Variants in RASEF observed in about 807,000 individuals in gnomAD.
RASEF encodes the protein ras and EF-hand domain-containing protein.
Under a neutral mutation model 90.1 loss-of-function variants are expected in RASEF, and 68 were observed. The observed-to-expected ratio is 0.75, with a 90% CI of 0.62 to 0.92. The LOEUF (loss-of-function observed/expected upper bound fraction) is 0.92, where lower values mean the gene tolerates loss of function less well. Ranked by LOEUF, RASEF falls within the 40% of genes least tolerant of loss-of-function variation. The pLI is 0.00. For synonymous variants in RASEF, 331 were observed against 345.2 expected (o/e 0.96, Z 0.46); for missense variants, 949 against 937.2 (o/e 1.01, Z -0.16).
chr9:83,000,289 A>G lies in RASEF; in HGVS notation c.1603T>C (p.Ser535Pro), dbSNP rs1003636480. The G allele has an allele frequency of 1.2e-6, 2 of 1,614,030 alleles. No homozygotes were observed. Among genetic ancestry groups the G allele is most frequent in the East Asian group, 2.2e-5 (1 of 44,876 alleles). Residue 535 changes from serine (S) to proline (P), a missense_variant, in exon 12 of 17, where the codon TCT (serine) becomes CCT (proline). Around this residue, in one of 3 missense-constraint regions of RASEF, gnomAD observed 288 missense variants for 328.4 expected, o/e 0.88. Transcript: ENST00000376447. ...TTGTAAGCCTTCTGTGAGCTAAAAG[A>G]TTTAGCGTTGTCATCTACCAGGTCT... ...QTDLVDDNAKSFSSQKAYKIV... is the reference protein window; with the variant it reads ...QTDLVDDNAKPFSSQKAYKIV...
At chr9:83,033,131 C>A (rs966821600) in intron 1 of RASEF, among the ~76,000 whole-genome samples, 3 of 152,152 alleles carry the variant, frequency 2.0e-5, no homozygotes, top group Non-Finnish European at 4.4e-5. Flanking sequence ...AACGAAAGCA[C>A]ACAGTAATAA....
At chr9:83,075,133 T>G in the RASEF span, among the ~76,000 whole-genome samples, 2 of 152,164 alleles carry the variant, frequency 1.3e-5, no homozygotes, top group Non-Finnish European at 2.9e-5. Flanking sequence ...GTAGGCCTCT[T>G]TTTAGATGGC....
chr9:83,094,285 C>A, the RASEF span, among the ~76,000 whole-genome samples: 1 of 150,792 alleles, frequency 6.6e-6, no homozygotes, highest in South Asian at 2.1e-4. Context: ...TATGAAATAC[C>A]CACAACATTG....
chr9:82,988,964 G>A (rs1002655816), intron 16 of RASEF, among the ~76,000 whole-genome samples: 3 of 152,156 alleles, frequency 2.0e-5, no homozygotes, highest in Admixed American at 6.6e-5. Flanking sequence ...AGTGTTGTAG[G>A]GGGAGGTGAC....
intron 1 of RASEF, 122 bp downstream of exon 1, chr9:83,062,315 G>A (rs1830218531): frequency 2.2e-6 from 2 of 923,322 alleles, no homozygotes; most frequent in Non-Finnish European, 3.3e-6. Flanking sequence ...GGTGAAGGAA[G>A]ACAAGCAACT....
chr9:83,160,672 T>C, the RASEF span, among the ~76,000 whole-genome samples: 1 of 152,186 alleles, frequency 6.6e-6, no homozygotes, highest in Non-Finnish European at 1.5e-5. Flanking sequence ...GAGCCAAATG[T>C]TAGTCCCCAA....
intron 4 of RASEF, among the ~76,000 whole-genome samples, chr9:83,013,840 G>A (rs561644016): frequency 9.2e-5 from 14 of 152,306 alleles, no homozygotes; most frequent in African/African-American, 2.9e-4. Flanking sequence ...TAAAATGTCA[G>A]TCATTATGGT....
At chr9:83,132,536 G>C in the RASEF span, among the ~76,000 whole-genome samples, 1 of 152,084 alleles carries the variant, frequency 6.6e-6, no homozygotes, top group African/African-American at 2.4e-5. Flanking sequence ...CTAAGTTTTA[G>C]GGCAATTAGT....
chr9:83,208,399 C>T, the RASEF span, among the ~76,000 whole-genome samples: 2 of 152,208 alleles, frequency 1.3e-5, no homozygotes, highest in African/African-American at 4.8e-5. Flanking sequence ...CCAGGTTCCT[C>T]TAAAAGTTCC....
chr9:83,041,367 A>AC (rs970550235), intron 1 of RASEF, among the ~76,000 whole-genome samples: 1 of 152,174 alleles, frequency 6.6e-6, no homozygotes, highest in African/African-American at 2.4e-5. Context: ...ATTTTTACCT[A>AC]CCTACCTTGC....
the RASEF span, among the ~76,000 whole-genome samples, chr9:83,196,345 G>C: frequency 6.6e-6 from 1 of 152,026 alleles, no homozygotes; most frequent in Non-Finnish European, 1.5e-5. Flanking sequence ...GGGAGCTGTG[G>C]GCTGTCATGT....
intron 1 of RASEF, among the ~76,000 whole-genome samples, chr9:83,049,843 C>T (rs1830010387): frequency 2.3e-5 from 2 of 86,456 alleles, no homozygotes; most frequent in Non-Finnish European, 4.3e-5. Context: ...TTTCCAATTT[C>T]ATCCATGTCC....
At chr9:82,986,384 G>A (rs1828712330) in intron 16 of RASEF, among the ~76,000 whole-genome samples, 1 of 152,108 alleles carries the variant, frequency 6.6e-6, no homozygotes, top group Non-Finnish European at 1.5e-5. Context: ...GTTCTTTTCT[G>A]TAATGTTAAA....
the RASEF span, among the ~76,000 whole-genome samples, chr9:83,140,286 A>G: frequency 2.6e-5 from 4 of 152,216 alleles, no homozygotes; most frequent in Non-Finnish European, 5.9e-5. Context: ...AGGTGGGGAC[A>G]GAAACAGGAA....
the RASEF span, among the ~76,000 whole-genome samples, chr9:83,125,529 T>C: frequency 6.6e-6 from 1 of 152,230 alleles, no homozygotes; most frequent in Non-Finnish European, 1.5e-5. Context: ...AATTTGCTAA[T>C]TTTTTCTGAA....
At chr9:82,999,185 C>T (rs960531492) in intron 12 of RASEF, among the ~76,000 whole-genome samples, 2 of 132,334 alleles carry the variant, frequency 1.5e-5, no homozygotes, top group Non-Finnish European at 1.6e-5. Context: ...TGATAATTTG[C>T]ATATCTTCAA....
chr9:83,175,345 T>C, the RASEF span, among the ~76,000 whole-genome samples: 102 of 152,358 alleles, frequency 6.7e-4, no homozygotes, highest in African/African-American at 2.4e-3. Context: ...GTTGTTTTTC[T>C]GCATCTATAG....
At chr9:83,126,754 C>T in the RASEF span, among the ~76,000 whole-genome samples, 1 of 152,160 alleles carries the variant, frequency 6.6e-6, no homozygotes, top group African/African-American at 2.4e-5. Flanking sequence ...CTATCAGCAC[C>T]AAAGCATCAT....
At chr9:83,113,641 C>G in the RASEF span, among the ~76,000 whole-genome samples, 1 of 152,058 alleles carries the variant, frequency 6.6e-6, no homozygotes, top group Non-Finnish European at 1.5e-5. Context: ...TATAGATGGC[C>G]GCGCTGGGAG....
Sources: gnomAD v4.1 joint callset for allele counts (sites outside exome capture counted in the v4.1 genomes callset) on GRCh38, gnomAD v4.1.1 for gene constraint, gnomAD v4.1.1 regional missense constraint, MANE v1.5 for transcripts, NCBI Gene and HGNC (gene_info 2026-07-23, HGNC 2026-07-21) for gene names.